Variants in SLCO1B1 observed in about 807,000 individuals in gnomAD.
SLCO1B1 encodes the protein OATP-2.
SLCO1B1 carries 81 observed loss-of-function variants against 70.1 expected under a neutral mutation model. The ratio of observed to expected loss-of-function variants is 1.16; its 90% CI spans 0.97 to 1.39. SLCO1B1 has a LOEUF of 1.39. Among genes scored for constraint, SLCO1B1 ranks in the 40% most tolerant of loss-of-function variants. The probability of loss-of-function intolerance (pLI) is 0.00; values close to 1 mark genes in which losing one functional copy is unlikely to be tolerated. For missense variants in SLCO1B1, 895 were observed against 799.6 expected (o/e 1.12, Z -1.44); for synonymous variants, 283 against 271.5 (o/e 1.04, Z -0.42).
chr12:21,135,071 A>C (rs933203276), intron 1 of SLCO1B1, among the ~76,000 whole-genome samples: 5 of 152,026 alleles, frequency 3.3e-5, no homozygotes, highest in African/African-American at 7.2e-5. Context: ...ATCTTTATTT[A>C]TGCCTTCATT....
intron 3 of SLCO1B1, among the ~76,000 whole-genome samples, chr12:21,173,763 G>C (rs1940784405): frequency 6.8e-6 from 1 of 146,002 alleles, no homozygotes; most frequent in Non-Finnish European, 1.5e-5. Flanking sequence ...GATTAGAAGT[G>C]GTCATGACTT....
At chr12:21,196,803 C>T in intron 7 of SLCO1B1, 143 bp from the exon 8 acceptor site, 1 of 773,430 alleles carries the variant, frequency 1.3e-6, no homozygotes, top group Non-Finnish European at 2.1e-6. Flanking sequence ...TGATCCTAGT[C>T]TCAGAGATGA....
intron 13 of SLCO1B1, among the ~76,000 whole-genome samples, chr12:21,223,808 C>T (rs1036318366): frequency 9.9e-5 from 15 of 152,070 alleles, no homozygotes; most frequent in South Asian, 2.1e-4. Flanking sequence ...TCTCTACTGG[C>T]GTGTCCCTAA....
At chr12:21,192,362 T>C (rs1941039802) in intron 7 of SLCO1B1, among the ~76,000 whole-genome samples, 1 of 151,956 alleles carries the variant, frequency 6.6e-6, no homozygotes, top group Admixed American at 6.5e-5. Context: ...TTCTTTCTTA[T>C]CTAATTTTTG....
intron 11 of SLCO1B1, among the ~76,000 whole-genome samples, chr12:21,215,837 C>G (rs549185535): frequency 1.3e-5 from 2 of 152,144 alleles, no homozygotes; most frequent in East Asian, 3.9e-4. Context: ...TGCATTTGGT[C>G]TAGGGCTTTT....
chr12:21,236,333 T>A (rs1054543252), intron 14 of SLCO1B1, among the ~76,000 whole-genome samples: 5 of 152,122 alleles, frequency 3.3e-5, no homozygotes, highest in African/African-American at 1.2e-4. Flanking sequence ...CCTACCAAAG[T>A]CAGAGCAGTT....
chr12:21,204,576 A>G (rs1339003636), intron 10 of SLCO1B1, among the ~76,000 whole-genome samples: 2 of 151,884 alleles, frequency 1.3e-5, no homozygotes, highest in African/African-American at 4.8e-5. Context: ...CAAATGGCAA[A>G]ACTGATTTTA....
chr12:21,216,970 C>A (rs1183893617), intron 11 of SLCO1B1, 149 bp from the exon 12 acceptor site: 6 of 649,448 alleles, frequency 9.2e-6, no homozygotes, highest in African/African-American at 1.8e-5. Flanking sequence ...TACCTTTTAT[C>A]TCTTAAGCAA....
Position 21,239,316 on chromosome 12 carries a change from A to C in SLCO1B1, c.*127A>C. 1.3e-6 allele frequency: 1 copy of C among 767,090 alleles called. No homozygotes were observed. The highest frequency in any genetic ancestry group is 2.3e-6 in the Non-Finnish European group (1 of 425,628). 47.5% of individuals were successfully genotyped at this position (767,090 alleles called of 1,614,324 possible). ...TTTCCACATCTTTTATGGTGGAAGT[A>C]TAAATAAGCCTATGAACTTATAATA... On this transcript the variant is annotated 3_prime_UTR_variant, in exon 15 of 15. Coordinates refer to ENST00000256958, the MANE Select transcript of SLCO1B1 (RefSeq NM_006446.5).
Position 21,219,274 on chromosome 12 carries a change from A to G in SLCO1B1, c.1682+1971A>G, listed in dbSNP as rs1010582172. 8.2e-4 allele frequency among the ~76,000 whole-genome samples: 125 copies of G among 152,342 alleles called. 1 individual carries two copies. Among genetic ancestry groups the G allele is most frequent in the African/African-American group, 2.9e-3 (122 of 41,590 alleles). Reference sequence around the variant, plus strand: ...ATGGTGCTTTGGAAGTCCTTTGAGTAAAGACCTGAATGAAGAGATAGAAAA... The same window carrying G: ...ATGGTGCTTTGGAAGTCCTTTGAGTGAAGACCTGAATGAAGAGATAGAAAA... On this transcript the variant is annotated intron_variant, in intron 12 of 14. Transcript: ENST00000256958.
chr12:21,157,074 A>C (rs544604494), intron 2 of SLCO1B1, among the ~76,000 whole-genome samples: 1 of 152,334 alleles, frequency 6.6e-6, no homozygotes, highest in South Asian at 2.1e-4. Flanking sequence ...AAGTAAGCTA[A>C]ATATTCTATA....
intron 2 of SLCO1B1, among the ~76,000 whole-genome samples, chr12:21,157,606 T>A (rs1036385145): frequency 2.7e-5 from 4 of 149,032 alleles, no homozygotes; most frequent in South Asian, 4.3e-4. Flanking sequence ...TAAAATTTTT[T>A]TTTTTTTTTT....
At chr12:21,230,754 T>C (rs1039777767) in intron 14 of SLCO1B1, among the ~76,000 whole-genome samples, 4 of 152,202 alleles carry the variant, frequency 2.6e-5, no homozygotes, top group African/African-American at 9.6e-5. Context: ...TGTAATGATT[T>C]GGTATAATTT....
At chr12:21,141,685 T>TA (rs1591796306) in intron 2 of SLCO1B1, 27 bp downstream of exon 2, 1 of 1,402,686 alleles carries the variant, frequency 7.1e-7, no homozygotes, top group East Asian at 2.3e-5. Context: ...GTTTTTGAGC[T>TA]AAAATAAGTA....
intron 5 of SLCO1B1, among the ~76,000 whole-genome samples, chr12:21,178,296 C>A (rs1940845312): frequency 6.6e-6 from 1 of 152,112 alleles, no homozygotes; most frequent in Admixed American, 6.6e-5. Flanking sequence ...GCTCTTCCTT[C>A]ATCTTCCGCC....
At chr12:21,212,568 T>C (rs1380451058) in intron 11 of SLCO1B1, among the ~76,000 whole-genome samples, 1 of 117,214 alleles carries the variant, frequency 8.5e-6, no homozygotes, top group Non-Finnish European at 1.8e-5. Context: ...GTTCTGTAGA[T>C]GTCTATTAGG....
At chr12:21,211,576 A>G (rs1941285794) in intron 11 of SLCO1B1, among the ~76,000 whole-genome samples, 3 of 152,182 alleles carry the variant, frequency 2.0e-5, no homozygotes, top group Non-Finnish European at 4.4e-5. Flanking sequence ...CTGGCCTCAT[A>G]AAATGAGTTA....
intron 1 of SLCO1B1, among the ~76,000 whole-genome samples, chr12:21,134,351 A>G (rs1453996737): frequency 6.6e-6 from 1 of 152,190 alleles, no homozygotes; most frequent in Non-Finnish European, 1.5e-5. Context: ...GCCTCATAAA[A>G]TGAGTTAGGG....
intron 2 of SLCO1B1, among the ~76,000 whole-genome samples, chr12:21,168,735 T>C (rs1304440801): frequency 6.6e-6 from 1 of 152,178 alleles, no homozygotes; most frequent in East Asian, 1.9e-4. Context: ...AATTGGGTTG[T>C]TCTTTGTTGT....
Sources: allele counts gnomAD v4.1 joint callset (sites outside exome capture counted in the v4.1 genomes callset), GRCh38; gene constraint gnomAD v4.1.1; transcripts MANE v1.5; gene names NCBI Gene and HGNC (gene_info 2026-07-23, HGNC 2026-07-21).